Variants in MCFD2 observed in about 807,000 individuals in gnomAD.
MCFD2 encodes multiple coagulation factor deficiency 2, ER cargo receptor complex subunit, also known as multiple coagulation factor deficiency protein 2.
Under a neutral mutation model 12.8 loss-of-function variants are expected in MCFD2, and 11 were observed. The observed-to-expected ratio is 0.86, with a 90% confidence interval of 0.54 to 1.42. MCFD2 has a LOEUF of 1.42. MCFD2 is among the 40% of genes most tolerant of loss of function. MCFD2 has a pLI of 0.00. For missense variants in MCFD2, 191 were observed against 178.6 expected, an observed-to-expected ratio of 1.07 and a Z score of -0.40; for synonymous variants, 70 against 68.1, an observed-to-expected ratio of 1.03 and a Z score of -0.14.
intron 1 of MCFD2, among the ~76,000 whole-genome samples, chr2:46,911,755 A>C (rs536991865): frequency 2.6e-5 from 4 of 151,856 alleles, no homozygotes; most frequent in Admixed American, 2.6e-4. Context: ...TCCCGTTTCT[A>C]CTAAAAATAC....
intron 1 of MCFD2, among the ~76,000 whole-genome samples, chr2:46,927,980 A>G (rs2103828674): frequency 6.9e-6 from 1 of 144,254 alleles, no homozygotes; most frequent in East Asian, 2.0e-4. Flanking sequence ...TGCAGCCTCA[A>G]CTTCCTGGGC....
In MCFD2 at chr2:46,904,267, A is replaced by G. The variant is rs976626433; in HGVS notation, c.*1196T>C. ...TCTGCTAGGGCAGTGCAGAAGGGAA[A>G]TGTGGTGTGGGAGCCCCCACACAGA... On this transcript the variant is annotated 3_prime_UTR_variant, in exon 4 of 4. Transcript: ENST00000319466. 9 of 152,424 alleles carry G rather than the reference A, an allele frequency of 5.9e-5. No homozygotes were observed. The highest frequency in any genetic ancestry group is 1.7e-4 in the African/African-American group (7 of 41,582). 9.4% of individuals were successfully genotyped at this position (152,424 alleles called of 1,614,324 possible).
At chr2:46,927,896 T>G (rs1209079254) in intron 1 of MCFD2, among the ~76,000 whole-genome samples, 3 of 130,598 alleles carry the variant, frequency 2.3e-5, no homozygotes, top group African/African-American at 5.8e-5. Flanking sequence ...TTTTTTTTTT[T>G]TTTTTTTTTT....
Position 46,940,556 on chromosome 2 carries a change from C to T in MCFD2, c.-8+1016G>A, listed in dbSNP as rs10165085. ...AGCTTTGATCACAGTCTTAGACCAG[C>T]ATGAAGAAATAAATAAATACCAAGG... is the stretch of plus-strand genomic sequence containing the variant. On this transcript the variant is annotated intron_variant, in intron 1 of 2. Transcript: ENST00000409147. This position sits in a 1 kb window ranked among gnomAD's most constrained non-coding sequence, Gnocchi z 4.7. 6.6e-6 allele frequency among the ~76,000 whole-genome samples: 1 copy of T among 152,172 alleles called. No individual in the cohort carries two copies. Among genetic ancestry groups the T allele is most frequent in the Non-Finnish European group, 1.5e-5 (1 of 68,050 alleles).
chr2:46,928,983 C>G (rs572995008), intron 1 of MCFD2, among the ~76,000 whole-genome samples: 3 of 152,118 alleles, frequency 2.0e-5, no homozygotes, highest in African/African-American at 7.2e-5. Context: ...GCCAACATGG[C>G]AAAACTCTGT....
At chr2:46,914,493 G>A (rs988009796) in intron 1 of MCFD2, among the ~76,000 whole-genome samples, 4 of 152,198 alleles carry the variant, frequency 2.6e-5, no homozygotes, top group African/African-American at 9.6e-5. Context: ...CGGACTGAGG[G>A]TTGAGAATTG....
chr2:46,915,804 T>TGGGGGGGGGGG lies in MCFD2; in HGVS notation c.-89_-88insCCCCCCCCCCC. 5 of 568,428 alleles carry TGGGGGGGGGGG rather than the reference T, an allele frequency of 8.8e-6. No individual in the cohort carries two copies. The highest frequency in any genetic ancestry group is 9.8e-6 in the Non-Finnish European group (5 of 510,734). 35.2% of individuals were successfully genotyped at this position (568,428 alleles called of 1,614,324 possible). A position where few individuals can be genotyped will look rare whatever the true frequency, so the allele number is the denominator to read the frequency against. ...GTCCCCAAAACGCTCTTCCTCGGCT[T>TGGGGGGGGGGG]CGCCCCGCCCCCCCCCCCCCCCCGA... On this transcript the variant is annotated 5_prime_UTR_variant, in exon 1 of 4. Transcript: ENST00000319466.
Position 46,941,722 on chromosome 2 carries a change from A to T in MCFD2, c.-158T>A, listed in dbSNP as rs1029573889. The T allele has an allele frequency of 1.3e-6, 2 of 1,549,756 alleles. No individual in the cohort carries two copies. Among genetic ancestry groups the T allele is most frequent in the East Asian group, 2.4e-5 (1 of 40,974 alleles). The stretch of plus-strand genomic sequence containing the variant: ...GAGCGCAGCGTTCACCTTTCCGGAC[A>T]CCGGTGAGTAAGGGAAGAGGCTGGC... On this transcript the variant is annotated 5_prime_UTR_variant, in exon 1 of 3. Coordinates refer to the MCFD2 transcript ENST00000409147. This position sits in a 1 kb window ranked among gnomAD's most constrained non-coding sequence, Gnocchi z 4.2.
At chr2:46,936,819 C>T (rs1348618200) in intron 1 of MCFD2, among the ~76,000 whole-genome samples, 1 of 151,622 alleles carries the variant, frequency 6.6e-6, no homozygotes, top group Non-Finnish European at 1.5e-5. Flanking sequence ...TCTTTTTTTT[C>T]ATTAGCATGA....
rs780797316 is a variant in MCFD2 at position 46,905,508 on chromosome 2, A to G, written c.396T>C (p.Asn132=). Residue 132 remains asparagine (N), a synonymous_variant, in exon 4 of 4, where the codon AAT becomes AAC. Transcript: ENST00000319466. The part of the protein sequence containing the change: ...DGVLRDDDKN[N]DGYIDYAEFA... Reference sequence around the variant, plus strand: ...ATTCAGCATAGTCAATGTATCCATCATTGTTCTTGTCATCATCTCTCAAAA... The same window carrying G: ...ATTCAGCATAGTCAATGTATCCATCGTTGTTCTTGTCATCATCTCTCAAAA... 1.2e-6 allele frequency: 2 copies of G among 1,613,488 alleles called. No homozygotes were observed. The highest frequency in any genetic ancestry group is 4.5e-5 in the East Asian group (2 of 44,858).
At chr2:46,913,111 G>A (rs1164833749) in intron 1 of MCFD2, among the ~76,000 whole-genome samples, 1 of 152,152 alleles carries the variant, frequency 6.6e-6, no homozygotes, top group Non-Finnish European at 1.5e-5. Flanking sequence ...CTTCTTTAAG[G>A]GAGGTGGGAT....
intron 1 of MCFD2, among the ~76,000 whole-genome samples, chr2:46,922,882 A>G (rs939436506): frequency 6.6e-6 from 1 of 152,214 alleles, no homozygotes; most frequent in Non-Finnish European, 1.5e-5. Flanking sequence ...GTTTTACAAA[A>G]CAGCCCTCTC....
At chr2:46,931,915 A>G (rs899011951) in intron 1 of MCFD2, among the ~76,000 whole-genome samples, 1 of 152,180 alleles carries the variant, frequency 6.6e-6, no homozygotes, top group African/African-American at 2.4e-5. Flanking sequence ...AAATTAATAC[A>G]ACTAAGTTGA....
chr2:46,927,087 C>T (rs1477628093), intron 1 of MCFD2, among the ~76,000 whole-genome samples: 1 of 151,570 alleles, frequency 6.6e-6, no homozygotes, highest in Admixed American at 6.6e-5. Context: ...ATAGAAAATA[C>T]AAAAGGATAA....
intron 1 of MCFD2, among the ~76,000 whole-genome samples, chr2:46,929,924 T>C (rs1352063807): frequency 1.3e-5 from 2 of 152,168 alleles, no homozygotes; most frequent in African/African-American, 2.4e-5. Flanking sequence ...GCCATGATAA[T>C]TGTCAATGTT....
rs536212612 is a variant in MCFD2, at chr2:46,908,334, C to T, written c.150-365G>A. The T allele has an allele frequency of 9.0e-6, 3 of 332,118 alleles. No homozygotes were observed. Among genetic ancestry groups the T allele is most frequent in the Admixed American group, 9.1e-5 (2 of 22,086 alleles). 20.6% of individuals were successfully genotyped at this position (332,118 alleles called of 1,614,324 possible). A position where few individuals can be genotyped will look rare whatever the true frequency, so the allele number is the denominator to read the frequency against. On this transcript the variant is annotated intron_variant, in intron 2 of 3. Transcript: ENST00000319466. This position sits in a 1 kb window ranked among gnomAD's most constrained non-coding sequence, Gnocchi z 4.5. ...GGAGTGCAGGAGCGTGATCTTGGCT[C>T]ATTGTAGCCTCAACTTCCCAAGCTC... is the stretch of plus-strand genomic sequence containing the variant.
At chr2:46,938,526 C>T (rs1670091953) in intron 1 of MCFD2, among the ~76,000 whole-genome samples, 1 of 152,212 alleles carries the variant, frequency 6.6e-6, no homozygotes, top group Non-Finnish European at 1.5e-5. Context: ...AATGGAGTTA[C>T]CACATGACAT....
Position 46,934,624 on chromosome 2 carries a change from T to A in MCFD2, c.-8+6948A>T, listed in dbSNP as rs143323969. On this transcript the variant is annotated intron_variant, in intron 1 of 2. Coordinates refer to the MCFD2 transcript ENST00000409147. ...AACTGCTTTTTATTCTCTAAAACACTTTAAAAACCCTCCCCTCATAGGTTG... is the reference window on the plus strand; with the variant it reads ...AACTGCTTTTTATTCTCTAAAACACATTAAAAACCCTCCCCTCATAGGTTG... Among the ~76,000 whole-genome samples the A allele has an allele frequency of 2.6e-3, 396 of 151,908 alleles. 2 individuals are homozygous for A. The highest frequency in any genetic ancestry group is 0.01 in the Middle Eastern group (3 of 294).
At chr2:46,929,328 A>G (rs754933875) in intron 1 of MCFD2, among the ~76,000 whole-genome samples, 1 of 151,970 alleles carries the variant, frequency 6.6e-6, no homozygotes, top group Non-Finnish European at 1.5e-5. Flanking sequence ...CTATAGGAAA[A>G]ATTTAAAAAC....
Sources: allele counts gnomAD v4.1 joint callset (sites outside exome capture counted in the v4.1 genomes callset), GRCh38; gene constraint gnomAD v4.1.1; non-coding constraint Gnocchi (gnomAD v3.1); transcripts MANE v1.5; gene names NCBI Gene and HGNC (gene_info 2026-07-23, HGNC 2026-07-21).